The following HMGN5 variants were observed in gnomAD, a reference collection of about 807,000 sequenced individuals.
HMGN5 encodes high mobility group nucleosome-binding domain-containing protein 5.
In HMGN5, 4 loss-of-function variants were observed where a neutral mutation model predicts 9.5. That is an observed-to-expected ratio of 0.42 (90% CI 0.21 to 0.96). The LOEUF is 0.96. Ranked by LOEUF, HMGN5 falls within the 40% of genes least tolerant of loss-of-function variation. The pLI, the probability that HMGN5 is intolerant of heterozygous loss-of-function variation, is 0.30. For missense variants in HMGN5, 192 were observed against 187.5 expected, an observed-to-expected ratio of 1.02 and a Z score of -0.14; for synonymous variants, 55 against 57.1, an observed-to-expected ratio of 0.96 and a Z score of 0.16.
intron 1 of HMGN5, among the ~76,000 whole-genome samples, chrX:81,194,724 T>C (rs1381278671): frequency 1.8e-5 from 2 of 111,670 alleles, no homozygotes; most frequent in Non-Finnish European, 3.8e-5. Flanking sequence ...GTGACACCTC[T>C]AGAGATCACA....
At chrX:81,166,192 TAGGAGA>T (rs1167516627) in intron 1 of HMGN5, among the ~76,000 whole-genome samples, 2 of 111,283 alleles carry the variant, frequency 1.8e-5, no homozygotes, top group Non-Finnish European at 3.8e-5. Context: ...GCGACTGATC[TAGGAGA>T]ATTGCTATAT....
rs769927884 is a variant in HMGN5, at chrX:81,176,166, G to A, written c.-124+25571C>T. On this transcript the variant is annotated intron_variant, in intron 1 of 6. Coordinates refer to ENST00000358130, the MANE Select transcript of HMGN5 (RefSeq NM_030763.3). ...GGTCTGGAGTGGACCTCCAGCAAAC[G>A]CCAACAGACCTGCAGCAGAGGGGCC... Among the ~76,000 whole-genome samples, 11 of 111,597 alleles carry A rather than the reference G, an allele frequency of 9.9e-5. No individual in the cohort carries two copies. The South Asian group carries it at 2.6e-3, about 27-fold the overall frequency.
intron 1 of HMGN5, among the ~76,000 whole-genome samples, chrX:81,142,871 TAGAA>T (rs1227940350): frequency 9.0e-6 from 1 of 111,574 alleles, no homozygotes; most frequent in Non-Finnish European, 1.9e-5. Flanking sequence ...TCTTGCTAAA[TAGAA>T]AGACTAAATG....
intron 1 of HMGN5, among the ~76,000 whole-genome samples, chrX:81,191,313 T>C (rs1253519677): frequency 8.9e-6 from 1 of 111,756 alleles, no homozygotes; most frequent in African/African-American, 3.2e-5. Context: ...CTATGTTGAG[T>C]AGAAGAGGTA....
intron 3 of HMGN5, among the ~76,000 whole-genome samples, chrX:81,119,148 A>G (rs762064860): frequency 2.2e-3 from 248 of 111,798 alleles, no homozygotes; most frequent in South Asian, 0.017. Context: ...GCAGTTTTTA[A>G]TACTTACTAT....
In HMGN5 at chrX:81,114,395, A is replaced by G. The variant is rs2075246156; in HGVS notation, c.*254T>C. On this transcript the variant is annotated 3_prime_UTR_variant, in exon 7 of 7. Coordinates refer to ENST00000358130, the MANE Select transcript of HMGN5 (RefSeq NM_030763.3). ...TTCAAAGATTTGACATATAACTTACACAACACGAAATTCACTCACAAAGTT... is the reference window on the plus strand; with the variant it reads ...TTCAAAGATTTGACATATAACTTACGCAACACGAAATTCACTCACAAAGTT... 8.5e-6 allele frequency: 2 copies of G among 234,912 alleles called. No homozygotes were observed. The highest frequency in any genetic ancestry group is 1.5e-5 in the Non-Finnish European group (2 of 131,877). The allele number at this position is 234,912 out of a possible 1,213,427, so 19.4% of individuals were successfully genotyped here. A position where few individuals can be genotyped will look rare whatever the true frequency, so the allele number is the denominator to read the frequency against.
intron 1 of HMGN5, among the ~76,000 whole-genome samples, chrX:81,188,789 C>T (rs2075485883): frequency 9.0e-6 from 1 of 110,879 alleles, no homozygotes; most frequent in Non-Finnish European, 1.9e-5. Context: ...ATCCATGTCC[C>T]TACAAAGGAC....
At chrX:81,118,181 C>T (rs2075259599) in intron 5 of HMGN5, among the ~76,000 whole-genome samples, 1 of 110,966 alleles carries the variant, frequency 9.0e-6, no homozygotes, top group Non-Finnish European at 1.9e-5. Context: ...AAGGCATGTA[C>T]ATTTAATGGG....
At chrX:81,162,867 C>T (rs1204089401) in intron 1 of HMGN5, among the ~76,000 whole-genome samples, 1 of 110,975 alleles carries the variant, frequency 9.0e-6, no homozygotes, top group Non-Finnish European at 1.9e-5. Context: ...GTTATTGTAC[C>T]TAGTGGGCAG....
intron 1 of HMGN5, among the ~76,000 whole-genome samples, chrX:81,126,139 C>T (rs192205444): frequency 0.026 from 1,676 of 64,873 alleles, 41 homozygotes; most frequent in African/African-American, 0.091. Context: ...CAGAGCAAGA[C>T]GCAGTCTCAA....
chrX:81,143,078 A>T (rs1350890812), intron 1 of HMGN5, among the ~76,000 whole-genome samples: 1 of 111,576 alleles, frequency 9.0e-6, no homozygotes, highest in Non-Finnish European at 1.9e-5. Flanking sequence ...GCGATTGGAT[A>T]TTACATAGTA....
intron 1 of HMGN5, among the ~76,000 whole-genome samples, chrX:81,175,848 C>T (rs369586739): frequency 3.6e-5 from 4 of 111,853 alleles, no homozygotes; most frequent in East Asian, 2.8e-4. Context: ...CAGCTCCAGT[C>T]GGCAGATCCC....
chrX:81,115,008 T>G lies in HMGN5; in HGVS notation c.490A>C (p.Asn164His). The G allele has an allele frequency of 1.7e-6, 2 of 1,153,830 alleles. No individual in the cohort carries two copies. Among genetic ancestry groups the G allele is most frequent in the African/African-American group, 3.6e-5 (2 of 55,197 alleles). ...TCTTTTGCATCTTCTCCTTTCTCAT[T>G]TCCATTTTTATCCTCTTTTCCATCT... ...EEDGKEDKNG[N>H]EKGEDAKEKE... Residue 164 changes from asparagine to histidine, a missense_variant, in exon 7 of 7, where the codon AAT becomes CAT. Transcript: ENST00000358130.
intron 1 of HMGN5, among the ~76,000 whole-genome samples, chrX:81,155,095 A>G (rs1343452014): frequency 3.2e-5 from 3 of 94,813 alleles, no homozygotes; most frequent in Non-Finnish European, 4.2e-5. Context: ...ATATATATAT[A>G]TATATATACA....
chrX:81,178,174 C>T (rs1237154044), intron 1 of HMGN5, among the ~76,000 whole-genome samples: 1 of 111,315 alleles, frequency 9.0e-6, no homozygotes, highest in Non-Finnish European at 1.9e-5. Context: ...CAAGAGCAAA[C>T]ACATTCAAAA....
chrX:81,184,588 CTTTG>C (rs2075472152), intron 1 of HMGN5, among the ~76,000 whole-genome samples: 1 of 101,840 alleles, frequency 9.8e-6, no homozygotes, highest in Non-Finnish European at 2.0e-5. Context: ...TTTGTTTTGT[CTTTG>C]TTTTTGTTTT....
chrX:81,130,009 A>G (rs1446410468), intron 1 of HMGN5, among the ~76,000 whole-genome samples: 1 of 111,659 alleles, frequency 9.0e-6, no homozygotes, highest in East Asian at 2.8e-4. Flanking sequence ...AGATGAAAAA[A>G]CTTTTTAAAT....
chrX:81,137,383 C>G (rs1292905706), intron 1 of HMGN5, among the ~76,000 whole-genome samples: 1 of 111,583 alleles, frequency 9.0e-6, no homozygotes, highest in Non-Finnish European at 1.9e-5. Flanking sequence ...GATATGTTCT[C>G]TGACAATAAT....
intron 1 of HMGN5, among the ~76,000 whole-genome samples, chrX:81,124,759 A>G (rs776832151): frequency 5.4e-5 from 6 of 111,636 alleles, no homozygotes; most frequent in Non-Finnish European, 1.1e-4. Flanking sequence ...ATTTTTTTCT[A>G]AGATTACGTT....
Sources: allele counts gnomAD v4.1 joint callset (sites outside exome capture counted in the v4.1 genomes callset), GRCh38; gene constraint gnomAD v4.1.1; transcripts MANE v1.5; gene names NCBI Gene and HGNC (gene_info 2026-07-23, HGNC 2026-07-21).